Variants in COL5A2 observed in about 807,000 individuals in gnomAD.
The protein encoded by COL5A2 is collagen type V alpha 2 chain.
Under a neutral mutation model 208.2 loss-of-function variants are expected in COL5A2, and 23 were observed. That is an observed-to-expected ratio of 0.11 (90% CI 0.08 to 0.16). The LOEUF (loss-of-function observed/expected upper bound fraction) is 0.16, where lower values mean the gene tolerates loss of function less well. COL5A2 is among the 10% of genes least tolerant of loss of function. COL5A2 has a pLI of 1.00. For synonymous variants in COL5A2, 625 were observed against 628.5 expected (o/e 0.99, Z 0.08); for missense variants, 1,590 against 1,956.4 (o/e 0.81, Z 3.53).
At chr2:189,394,373 C>A in the COL5A2 span, among the ~76,000 whole-genome samples, 30 of 151,906 alleles carry the variant, frequency 2.0e-4, no homozygotes, top group Non-Finnish European at 3.5e-4. Flanking sequence ...AGGTTGAAAA[C>A]CCTAATACCC....
the COL5A2 span, among the ~76,000 whole-genome samples, chr2:189,287,968 G>C: frequency 6.6e-6 from 1 of 151,884 alleles, no homozygotes; most frequent in African/African-American, 2.4e-5. Context: ...AACTATTCAA[G>C]GACTTCCAGA....
chr2:189,370,034 A>C, the COL5A2 span, among the ~76,000 whole-genome samples: 2 of 152,168 alleles, frequency 1.3e-5, no homozygotes, highest in African/African-American at 4.8e-5. Context: ...TGTGCTTTAC[A>C]TTTTTTGACT....
At chr2:189,318,097 G>A in the COL5A2 span, among the ~76,000 whole-genome samples, 9 of 152,000 alleles carry the variant, frequency 5.9e-5, no homozygotes, top group African/African-American at 4.8e-5. Context: ...AGATATTATC[G>A]TGCTGTTTTT....
At chr2:189,090,091 A>G (rs1686751532) in intron 7 of COL5A2, among the ~76,000 whole-genome samples, 1 of 152,230 alleles carries the variant, frequency 6.6e-6, no homozygotes, top group Admixed American at 6.5e-5. Context: ...CTTGCAGCAA[A>G]CAGTCATCCA....
intron 1 of COL5A2, among the ~76,000 whole-genome samples, chr2:189,164,721 G>C (rs1317404026): frequency 6.6e-6 from 1 of 152,046 alleles, no homozygotes; most frequent in Non-Finnish European, 1.5e-5. Flanking sequence ...AATTTCTACA[G>C]AAATTATGAA....
At chr2:189,045,069 C>A in intron 47 of COL5A2, 110 bp downstream of exon 47, 1 of 633,630 alleles carries the variant, frequency 1.6e-6, no homozygotes, top group Non-Finnish European at 2.6e-6. Context: ...TATTTTTGTT[C>A]AAGCTTGAGG....
chr2:189,107,528 T>G (rs1427800364), intron 2 of COL5A2, among the ~76,000 whole-genome samples: 1 of 151,486 alleles, frequency 6.6e-6, no homozygotes, highest in Non-Finnish European at 1.5e-5. Context: ...ACTTTTCAAC[T>G]TCTGTTTTTA....
chr2:189,110,294 G>C lies in COL5A2; in HGVS notation c.253C>G (p.Pro85Ala), dbSNP rs957752770. The C allele has an allele frequency of 1.9e-6, 3 of 1,613,966 alleles. No homozygotes were observed. Among genetic ancestry groups the C allele is most frequent in the Middle Eastern group, 3.3e-4 (2 of 6,084 alleles). ...CAGCATTCCCCAGGGGGCGTTACAG[G>C]GTCGGCACAGTCCAGCACATCCTGG... is the stretch of plus-strand genomic sequence containing the variant. ...ECQDVLDCADPVTPPGECCPV... is the reference protein window; with the variant it reads ...ECQDVLDCADAVTPPGECCPV... Residue 85 changes from proline (P) to alanine (A), a missense_variant, in exon 2 of 54, where the codon CCT becomes GCT. Transcript: ENST00000374866.
the COL5A2 span, among the ~76,000 whole-genome samples, chr2:189,242,749 G>A: frequency 6.6e-6 from 1 of 152,156 alleles, no homozygotes; most frequent in Non-Finnish European, 1.5e-5. Flanking sequence ...TAAATTAATG[G>A]AGCAGGCTGA....
chr2:189,171,571 G>A (rs987528699), intron 1 of COL5A2, among the ~76,000 whole-genome samples: 2 of 152,318 alleles, frequency 1.3e-5, no homozygotes, highest in African/African-American at 4.8e-5. Flanking sequence ...CTGACTGAAT[G>A]ACCGGGTAGC....
chr2:189,064,924 T>G (rs1419707466), intron 24 of COL5A2, 80 bp downstream of exon 24: 1 of 1,348,994 alleles, frequency 7.4e-7, no homozygotes, highest in Non-Finnish European at 1.1e-6. Flanking sequence ...ATGCAGGCCA[T>G]AGCTAGATCA....
In COL5A2 at chr2:189,052,080, G is replaced by T; in HGVS notation, c.2769+92C>A. On this transcript the variant is annotated intron_variant, in intron 41 of 53. Transcript: ENST00000374866. ...GTTAAATAAGAAAACATACCATTAA[G>T]AAATTAAATAAAATAATAAATTTAA... is the stretch of plus-strand genomic sequence containing the variant. 3 of 1,062,602 alleles carry T rather than the reference G, an allele frequency of 2.8e-6. 1 individual carries two copies. Among genetic ancestry groups the T allele is most frequent in the South Asian group, 3.2e-5 (2 of 62,948 alleles). The allele number at this position is 1,062,602 out of a possible 1,614,324, so 65.8% of individuals were successfully genotyped here.
chr2:189,175,544 C>CTT (rs35381713), intron 1 of COL5A2, among the ~76,000 whole-genome samples: 10,657 of 125,336 alleles, frequency 0.085, 679 homozygotes, highest in Non-Finnish European at 0.12. Context: ...AAAAAGAAAA[C>CTT]TTTTTTTTTT....
chr2:189,319,310 C>G, the COL5A2 span, among the ~76,000 whole-genome samples: 1 of 152,222 alleles, frequency 6.6e-6, no homozygotes, highest in African/African-American at 2.4e-5. Context: ...GCTTGTCAGA[C>G]AGTAGGTGCA....
rs546324896 is a variant in COL5A2, at chr2:189,089,515, A to G, written c.568-743T>C. ...GTGTATGAACTTTTGTAAAGCAAAA[A>G]TCATATTCAGGCTTCATATGTTTCC... On this transcript the variant is annotated intron_variant, in intron 7 of 53. Coordinates refer to ENST00000374866, the MANE Select transcript of COL5A2 (RefSeq NM_000393.5). Among the ~76,000 whole-genome samples, 6 of 152,278 alleles carry G rather than the reference A, an allele frequency of 3.9e-5. No individual in the cohort carries two copies. The South Asian group carries it at 1.2e-3, about 32-fold the overall frequency.
chr2:189,103,853 G>A (rs10931394), intron 3 of COL5A2, among the ~76,000 whole-genome samples: 20,010 of 151,882 alleles, frequency 0.13, 1,353 homozygotes, highest in Middle Eastern at 0.19. Context: ...GACATTCTTC[G>A]TTCCTTCCTT....
the COL5A2 span, among the ~76,000 whole-genome samples, chr2:189,266,385 T>C: frequency 1.3e-5 from 2 of 151,402 alleles, no homozygotes; most frequent in Non-Finnish European, 2.9e-5. Flanking sequence ...GAGATTGTGC[T>C]GCTGCACTCC....
At chr2:189,206,940 TTTTA>T (rs751141697) in intron 1 of COL5A2, among the ~76,000 whole-genome samples, 8 of 152,228 alleles carry the variant, frequency 5.3e-5, no homozygotes, top group South Asian at 2.1e-4. Flanking sequence ...ATTAAAATTG[TTTTA>T]TTTGTCTTGT....
upstream of COL5A2, among the ~76,000 whole-genome samples, chr2:189,225,474 T>C (rs1203729341): frequency 6.6e-6 from 1 of 152,174 alleles, no homozygotes; most frequent in Non-Finnish European, 1.5e-5. Context: ...AGCTTATTTT[T>C]CACAGTCAGA....
Sources: gnomAD v4.1 joint callset for allele counts (sites outside exome capture counted in the v4.1 genomes callset) on GRCh38, gnomAD v4.1.1 for gene constraint, MANE v1.5 for transcripts, NCBI Gene and HGNC (gene_info 2026-07-23, HGNC 2026-07-21) for gene names.